Variants in KIAA1549L observed in about 807,000 individuals in gnomAD.
KIAA1549L encodes KIAA1549 like, also known as UPF0606 protein KIAA1549L.
In KIAA1549L, 88 loss-of-function variants were observed where a neutral mutation model predicts 160.7. The observed-to-expected ratio is 0.55, with a 90% CI of 0.46 to 0.65. The LOEUF is 0.65. Ranked by LOEUF, KIAA1549L falls within the 30% of genes least tolerant of loss-of-function variation. The probability of loss-of-function intolerance (pLI) is 0.00; values close to 1 mark genes in which losing one functional copy is unlikely to be tolerated. For synonymous variants in KIAA1549L, 950 were observed against 976.7 expected (o/e 0.97, Z 0.51); for missense variants, 2,258 against 2,437.5 (o/e 0.93, Z 1.55).
At chr11:33,631,473 T>C in intron 16 of KIAA1549L, among the ~76,000 whole-genome samples, 1 of 152,202 alleles carries the variant, frequency 6.6e-6, no homozygotes, top group Non-Finnish European at 1.5e-5. Context: ...TTTCTTCATA[T>C]GGTGCGCTGT....
chr11:33,628,948 G>A (rs373381421), intron 16 of KIAA1549L, among the ~76,000 whole-genome samples: 10 of 151,522 alleles, frequency 6.6e-5, no homozygotes, highest in East Asian at 3.9e-4. Flanking sequence ...CATGTTTAGC[G>A]CTTCCTTCAG....
chr11:33,564,071 A>G (rs1005942659), intron 8 of KIAA1549L, among the ~76,000 whole-genome samples: 2 of 152,202 alleles, frequency 1.3e-5, no homozygotes, highest in African/African-American at 4.8e-5. Flanking sequence ...TGTTCAGAAT[A>G]AACAGTGGCT....
intron 18 of KIAA1549L, among the ~76,000 whole-genome samples, chr11:33,656,405 C>G (rs1274090883): frequency 6.6e-6 from 1 of 152,196 alleles, no homozygotes; most frequent in Non-Finnish European, 1.5e-5. Context: ...CTAAAAATGA[C>G]TCCAGCTCAG....
intron 1 of KIAA1549L, among the ~76,000 whole-genome samples, chr11:33,435,790 A>G (rs12271200): frequency 0.51 from 13,346 of 26,056 alleles, 2,616 homozygotes; most frequent in African/African-American, 0.6. Flanking sequence ...ATATATATAT[A>G]TATATATATA....
At chr11:33,598,798 C>A (rs1850277389) in intron 12 of KIAA1549L, 22 bp from the exon 13 acceptor site, 2 of 1,613,558 alleles carry the variant, frequency 1.2e-6, no homozygotes, top group Non-Finnish European at 1.7e-6. Flanking sequence ...ACCGTCTCCC[C>A]TGTTGCTATG....
intron 1 of KIAA1549L, among the ~76,000 whole-genome samples, chr11:33,447,480 A>ACCCC (rs1424653892): frequency 4.4e-5 from 1 of 22,928 alleles, no homozygotes; most frequent in East Asian, 1.6e-3. Context: ...CCATCCACCC[A>ACCCC]CCCACCCACC....
intron 8 of KIAA1549L, among the ~76,000 whole-genome samples, chr11:33,563,313 C>T (rs1854932345): frequency 1.4e-5 from 2 of 145,236 alleles, no homozygotes; most frequent in South Asian, 2.2e-4. Flanking sequence ...CATGCCACTG[C>T]ACTCCAGCCT....
At chr11:33,513,536 T>G (rs1853273132) in intron 1 of KIAA1549L, among the ~76,000 whole-genome samples, 1 of 152,170 alleles carries the variant, frequency 6.6e-6, no homozygotes, top group South Asian at 2.1e-4. Flanking sequence ...CTCCCCTCCT[T>G]TTATTCCATC....
At chr11:33,643,870 G>A (rs766581845) in intron 16 of KIAA1549L, among the ~76,000 whole-genome samples, 1 of 152,124 alleles carries the variant, frequency 6.6e-6, no homozygotes, top group Non-Finnish European at 1.5e-5. Flanking sequence ...AGAAGGTATC[G>A]CCAGGCAAAA....
chr11:33,474,095 CA>C (rs1310348718), intron 1 of KIAA1549L, among the ~76,000 whole-genome samples: 1 of 152,144 alleles, frequency 6.6e-6, no homozygotes, highest in Non-Finnish European at 1.5e-5. Context: ...CTGTCTCCTG[CA>C]CTCAGAGCTA....
chr11:33,407,523 AT>A (rs1250389567), intron 1 of KIAA1549L, among the ~76,000 whole-genome samples: 4 of 151,518 alleles, frequency 2.6e-5, no homozygotes, highest in Non-Finnish European at 5.9e-5. Flanking sequence ...TAATTTTTGT[AT>A]TTTCAGTAGA....
chr11:33,512,297 T>G (rs778397028), intron 1 of KIAA1549L, among the ~76,000 whole-genome samples: 3 of 152,258 alleles, frequency 2.0e-5, no homozygotes, highest in Non-Finnish European at 4.4e-5. Context: ...TGGGTTCTGT[T>G]TTAAAAATAA....
intron 1 of KIAA1549L, among the ~76,000 whole-genome samples, chr11:33,464,474 A>ATGTGTGTGTGTGTGTGTGTGTG (rs3038997): frequency 7.1e-6 from 1 of 140,090 alleles, no homozygotes; most frequent in Non-Finnish European, 1.6e-5. Flanking sequence ...CTGTGTGTGC[A>ATGTGTGTGTGTGTGTGTGTGTG]TGTGTGTGTG....
intron 1 of KIAA1549L, among the ~76,000 whole-genome samples, chr11:33,407,396 C>T (rs1850688270): frequency 6.6e-6 from 1 of 151,972 alleles, no homozygotes; most frequent in Non-Finnish European, 1.5e-5. Flanking sequence ...GGCTGGAGTG[C>T]GGTGGCATGA....
intron 1 of KIAA1549L, among the ~76,000 whole-genome samples, chr11:33,451,679 T>C (rs1851724176): frequency 6.6e-6 from 1 of 152,244 alleles, no homozygotes; most frequent in Admixed American, 6.5e-5. Context: ...ACCTCCTTTC[T>C]TTACTCCTAA....
In KIAA1549L at chr11:33,543,155, G is replaced by A. The variant is rs543655353; in HGVS notation, c.1592G>A (p.Ser531Asn). 20 of 1,613,876 alleles carry A rather than the reference G, an allele frequency of 1.2e-5. No individual in the cohort carries two copies. The South Asian group carries it at 2.2e-4, about 18-fold the overall frequency. Residue 531 changes from serine (S) to asparagine (N), a missense_variant, in exon 2 of 21, where the codon AGT becomes AAT. By Grantham distance (46) the Ser-to-Asn change is conservative (BLOSUM62 1). Transcript: ENST00000658780. ...PEMPTLPAEG[S>N]DGSPPATRDL... The stretch of plus-strand genomic sequence containing the variant: ...ATGCCCACTCTTCCAGCAGAGGGCA[G>A]TGATGGGTCCCCTCCTGCAACTAGA...
intron 1 of KIAA1549L, among the ~76,000 whole-genome samples, chr11:33,448,521 A>G (rs1387526762): frequency 1.3e-5 from 2 of 152,136 alleles, no homozygotes; most frequent in Admixed American, 6.6e-5. Flanking sequence ...ATAGAGCCAC[A>G]GTTTGGAATA....
chr11:33,547,157 A>T (rs1325956451), intron 3 of KIAA1549L, among the ~76,000 whole-genome samples: 1 of 152,192 alleles, frequency 6.6e-6, no homozygotes, highest in East Asian at 1.9e-4. Context: ...TCCTTGTCAG[A>T]TTTCACTCTT....
chr11:33,495,357 A>G (rs1448733127), intron 1 of KIAA1549L, among the ~76,000 whole-genome samples: 9 of 147,474 alleles, frequency 6.1e-5, no homozygotes, highest in African/African-American at 1.3e-4. Flanking sequence ...ATTCCCACCT[A>G]TGAGTGAGAA....
Sources: allele counts gnomAD v4.1 joint callset (sites outside exome capture counted in the v4.1 genomes callset), GRCh38; gene constraint gnomAD v4.1.1; transcripts MANE v1.5; gene names NCBI Gene and HGNC (gene_info 2026-07-23, HGNC 2026-07-21).